The following CDK5RAP2 variants were observed in gnomAD, a reference collection of about 807,000 sequenced individuals.
The protein encoded by CDK5RAP2 is CDK5 regulatory subunit-associated protein 2.
Under a neutral mutation model 232.9 loss-of-function variants are expected in CDK5RAP2, and 147 were observed. The ratio of observed to expected loss-of-function variants is 0.63; its 90% CI spans 0.55 to 0.72. CDK5RAP2 has a LOEUF of 0.72. Ranked by LOEUF, CDK5RAP2 falls within the 30% of genes least tolerant of loss-of-function variation. The pLI, the probability that CDK5RAP2 is intolerant of heterozygous loss-of-function variation, is 0.00. For synonymous variants in CDK5RAP2, 833 were observed against 833.7 expected (o/e 1.00, Z 0.01); for missense variants, 2,195 against 2,231.5 (o/e 0.98, Z 0.33).
At chr9:120,545,828 A>T (rs2041819366) in intron 4 of CDK5RAP2, 38 bp from the exon 5 acceptor site, 4 of 1,514,728 alleles carry the variant, frequency 2.6e-6, no homozygotes, top group East Asian at 4.5e-5. Flanking sequence ...AAACAATGTA[A>T]AATAGAGGAC....
At position 120,404,098 on chromosome 9, in the gene CDK5RAP2, G is replaced by A; in HGVS notation, c.4979C>T (p.Pro1660Leu). The change falls in exon 33 of 38, where the codon CCC becomes CTC. Residue 1660 changes from proline to leucine, a missense_variant. By Grantham distance (98) the Pro-to-Leu change is moderately conservative (BLOSUM62 -3). Transcript: ENST00000349780. ...ATCAAATGAATTATCACTTTCCATG[G>A]GATATTTGTCACCATCTACAAAATG... ...QPDKHDGDKY[P>L]MESDNSFDLF... is the part of the protein sequence containing the mutation. 6.2e-7 allele frequency: 1 copy of A among 1,612,180 alleles called. No homozygotes were observed. Among genetic ancestry groups the A allele is most frequent in the Non-Finnish European group, 8.5e-7 (1 of 1,178,258 alleles).
At chr9:120,566,150 A>C (rs2042639805) in intron 3 of CDK5RAP2, among the ~76,000 whole-genome samples, 1 of 152,200 alleles carries the variant, frequency 6.6e-6, no homozygotes, top group Non-Finnish European at 1.5e-5. Context: ...TCTTAAAATT[A>C]GCTTTAGGTG....
intron 22 of CDK5RAP2, among the ~76,000 whole-genome samples, chr9:120,444,406 A>G (rs1330705584): frequency 1.3e-5 from 2 of 152,340 alleles, no homozygotes; most frequent in Admixed American, 1.3e-4. Flanking sequence ...CCACCTCCCC[A>G]AGCCCACACC....
chr9:120,436,509 G>A (rs892071347), intron 25 of CDK5RAP2, among the ~76,000 whole-genome samples: 8 of 152,164 alleles, frequency 5.3e-5, no homozygotes, highest in Admixed American at 3.3e-4. Flanking sequence ...TTAGATAATA[G>A]TATATTAGAC....
intron 2 of CDK5RAP2, 136 bp from the exon 3 acceptor site, chr9:120,568,524 T>C: frequency 1.3e-6 from 1 of 753,538 alleles, no homozygotes; most frequent in Non-Finnish European, 2.4e-6. Flanking sequence ...CTGTCTTTTG[T>C]GATTTACTGA....
chr9:120,546,028 C>A (rs1033684006), intron 4 of CDK5RAP2, among the ~76,000 whole-genome samples: 6 of 152,134 alleles, frequency 3.9e-5, no homozygotes, highest in Non-Finnish European at 8.8e-5. Context: ...TGTAAATGCT[C>A]CAAGCTTCTA....
At chr9:120,406,953 G>T in intron 32 of CDK5RAP2, 59 bp downstream of exon 32, 1 of 1,267,118 alleles carries the variant, frequency 7.9e-7, no homozygotes, top group Non-Finnish European at 1.1e-6. Context: ...AAGTTCACAT[G>T]TCACACACAG....
At chr9:120,471,608 A>G (rs2037707208) in intron 16 of CDK5RAP2, 140 bp downstream of exon 16, 9 of 1,201,476 alleles carry the variant, frequency 7.5e-6, no homozygotes, top group Non-Finnish European at 1.1e-5. Flanking sequence ...TAACATCAGC[A>G]TGGTCACCAC....
intron 9 of CDK5RAP2, among the ~76,000 whole-genome samples, chr9:120,528,281 C>T (rs1237892557): frequency 1.3e-5 from 2 of 150,904 alleles, no homozygotes; most frequent in African/African-American, 2.4e-5. Context: ...CATTCCTTCT[C>T]ATGGAGACTG....
At chr9:120,489,456 C>T (rs914899399) in intron 13 of CDK5RAP2, among the ~76,000 whole-genome samples, 1 of 150,466 alleles carries the variant, frequency 6.6e-6, no homozygotes, top group Admixed American at 6.6e-5. Flanking sequence ...GCCTGTCTTT[C>T]TGGAACTCCT....
chr9:120,394,372 T>C, intron 36 of CDK5RAP2, 140 bp downstream of exon 36: 1 of 1,335,054 alleles, frequency 7.5e-7, no homozygotes, highest in Non-Finnish European at 1.1e-6. Flanking sequence ...TCAGAAAGGA[T>C]GGAGTATGAA....
intron 12 of CDK5RAP2, among the ~76,000 whole-genome samples, chr9:120,497,732 AGAGTGTTGGGAGAAAAGCT>A (rs1403833371): frequency 1.3e-5 from 2 of 152,168 alleles, no homozygotes; most frequent in Admixed American, 6.5e-5. Context: ...TCTAATCATG[AGAGTGTTGGGAGAAAAGCT>A]GAGTGTTGGG....
At chr9:120,573,280 G>C (rs571766553) in intron 1 of CDK5RAP2, among the ~76,000 whole-genome samples, 1 of 152,328 alleles carries the variant, frequency 6.6e-6, no homozygotes, top group Admixed American at 6.5e-5. Flanking sequence ...TGGGTGCAGT[G>C]ACTCATGCCT....
chr9:120,397,120 G>A (rs1266253915), intron 35 of CDK5RAP2, among the ~76,000 whole-genome samples: 1 of 152,230 alleles, frequency 6.6e-6, no homozygotes. Context: ...TCCCTCCCAG[G>A]AGGCCTCAGG....
chr9:120,400,995 G>A (rs1316047143), intron 34 of CDK5RAP2, 110 bp from the exon 35 acceptor site: 17 of 1,218,738 alleles, frequency 1.4e-5, no homozygotes, highest in Non-Finnish European at 1.9e-5. Context: ...TGTTTCACAC[G>A]CTGAGCGAAA....
intron 12 of CDK5RAP2, 83 bp from the exon 13 acceptor site, chr9:120,491,560 C>G (rs528821627): frequency 3.4e-6 from 3 of 881,016 alleles, no homozygotes; most frequent in Non-Finnish European, 5.5e-6. Context: ...ATTACTGCTA[C>G]AAGAGAGCAA....
At chr9:120,464,356 A>G (rs1055895746) in intron 18 of CDK5RAP2, among the ~76,000 whole-genome samples, 6 of 152,048 alleles carry the variant, frequency 3.9e-5, no homozygotes, top group Non-Finnish European at 4.4e-5. Flanking sequence ...CTCTGCCCCA[A>G]TTGCCCCTCT....
rs752469608 is a variant in CDK5RAP2, at chr9:120,579,993, C to T, written c.-15G>A. ...AAGTCCATCATGGCTACAGAGGTGG[C>T]GACAGCGTTGGTGTCTGTGGCGGCG... is the stretch of plus-strand genomic sequence containing the variant. On this transcript the variant is annotated 5_prime_UTR_variant, in exon 1 of 38. Coordinates refer to ENST00000349780, the MANE Select transcript of CDK5RAP2 (RefSeq NM_018249.6). 18 of 1,590,268 alleles carry T rather than the reference C, an allele frequency of 1.1e-5. No individual in the cohort carries two copies. The highest frequency in any genetic ancestry group is 1.6e-5 in the Non-Finnish European group (18 of 1,158,896).
intron 3 of CDK5RAP2, among the ~76,000 whole-genome samples, chr9:120,562,344 C>T (rs554490840): frequency 1.8e-3 from 281 of 152,292 alleles, no homozygotes; most frequent in African/African-American, 6.5e-3. Flanking sequence ...ATGCGAGGTA[C>T]GGGAACTCAG....
Sources: gnomAD v4.1 joint callset for allele counts (sites outside exome capture counted in the v4.1 genomes callset) on GRCh38, gnomAD v4.1.1 for gene constraint, MANE v1.5 for transcripts, NCBI Gene and HGNC (gene_info 2026-07-23, HGNC 2026-07-21) for gene names.